FSTL4: variants seen among roughly 807,000 people sequenced by gnomAD.
The protein encoded by FSTL4 is follistatin like 4.
In FSTL4, 28 loss-of-function variants were observed where a neutral mutation model predicts 78.2. The ratio of observed to expected loss-of-function variants is 0.36; its 90% CI spans 0.27 to 0.49. The LOEUF is 0.49. FSTL4 is among the 20% of genes least tolerant of loss of function. The pLI is 0.98. For synonymous variants in FSTL4, 422 were observed against 440.5 expected, an observed-to-expected ratio of 0.96 and a Z score of 0.53; for missense variants, 922 against 1,084.9, an observed-to-expected ratio of 0.85 and a Z score of 2.11.
intron 6 of FSTL4, among the ~76,000 whole-genome samples, chr5:133,264,198 A>G (rs767755198): frequency 6.6e-6 from 1 of 152,234 alleles, no homozygotes; most frequent in African/African-American, 2.4e-5. Context: ...CCAAATACCA[A>G]TAGTGGCGCT....
At chr5:133,593,090 T>C (rs895877809) in intron 2 of FSTL4, among the ~76,000 whole-genome samples, 2 of 152,030 alleles carry the variant, frequency 1.3e-5, no homozygotes, top group African/African-American at 4.8e-5. Context: ...CTAAGCAAGA[T>C]GAAGGACGAC....
the FSTL4 span, among the ~76,000 whole-genome samples, chr5:133,623,480 C>A: frequency 6.6e-6 from 1 of 151,882 alleles, no homozygotes; most frequent in African/African-American, 2.4e-5. Context: ...CTACCTCACA[C>A]CAAATTCAAA....
At position 133,338,564 on chromosome 5, in the gene FSTL4, A is replaced by C. The variant is rs995566605; in HGVS notation, c.410-21912T>G. On this transcript the variant is annotated intron_variant, in intron 4 of 15. Coordinates refer to ENST00000265342, the MANE Select transcript of FSTL4 (RefSeq NM_015082.2). This position sits in a 1 kb window ranked among gnomAD's most constrained non-coding sequence, Gnocchi z 4.0. Reference sequence around the variant, plus strand: ...CCTCAATCGAGGCTGGTGCAGGGGAAGCTTGGAGCGGTGTCTACTCACTAT... The same window carrying C: ...CCTCAATCGAGGCTGGTGCAGGGGACGCTTGGAGCGGTGTCTACTCACTAT... 6.6e-6 allele frequency among the ~76,000 whole-genome samples: 1 copy of C among 152,004 alleles called. No homozygotes were observed. Among genetic ancestry groups the C allele is most frequent in the African/African-American group, 2.4e-5 (1 of 41,368 alleles).
At chr5:133,203,814 C>T (rs1308221950) in intron 14 of FSTL4, among the ~76,000 whole-genome samples, 1 of 152,214 alleles carries the variant, frequency 6.6e-6, no homozygotes. Flanking sequence ...TCACGCTTCA[C>T]TGCTCTGACA....
chr5:133,394,470 C>T (rs890779267), intron 4 of FSTL4, among the ~76,000 whole-genome samples: 6 of 152,240 alleles, frequency 3.9e-5, no homozygotes, highest in Non-Finnish European at 8.8e-5. Flanking sequence ...CACCACTGGC[C>T]CCGGACAGCG....
At chr5:133,521,851 C>T (rs1053824780) in intron 3 of FSTL4, among the ~76,000 whole-genome samples, 2 of 152,146 alleles carry the variant, frequency 1.3e-5, no homozygotes, top group South Asian at 4.1e-4. Flanking sequence ...GATGTTTTCA[C>T]CACAAAGGGG....
At chr5:133,286,524 C>T (rs1173860940) in intron 6 of FSTL4, among the ~76,000 whole-genome samples, 1 of 152,226 alleles carries the variant, frequency 6.6e-6, no homozygotes, top group African/African-American at 2.4e-5. Flanking sequence ...AACCTTTCTT[C>T]TCACCCATAG....
At chr5:133,470,590 C>T (rs1001938629) in intron 3 of FSTL4, among the ~76,000 whole-genome samples, 2 of 151,896 alleles carry the variant, frequency 1.3e-5, no homozygotes, top group Non-Finnish European at 2.9e-5. Flanking sequence ...ACTAAAAATA[C>T]AAAACTTAGT....
the FSTL4 span, among the ~76,000 whole-genome samples, chr5:133,641,203 C>A: frequency 1.1e-4 from 17 of 152,144 alleles, no homozygotes; most frequent in Admixed American, 9.8e-4. Flanking sequence ...AAAGACCCAA[C>A]CATATAGTGC....
chr5:133,596,285 GT>G (rs1760736189), intron 2 of FSTL4, among the ~76,000 whole-genome samples: 1 of 152,210 alleles, frequency 6.6e-6, no homozygotes, highest in Non-Finnish European at 1.5e-5. Context: ...GGGCTGAAGC[GT>G]GGGTTGTGCT....
chr5:133,284,086 G>C (rs954608604), intron 6 of FSTL4, among the ~76,000 whole-genome samples: 5 of 152,200 alleles, frequency 3.3e-5, no homozygotes, highest in African/African-American at 1.2e-4. Flanking sequence ...TTCAACATGA[G>C]ATTTGGGTGG....
At chr5:133,213,533 T>G (rs913363876) in intron 13 of FSTL4, among the ~76,000 whole-genome samples, 2 of 152,196 alleles carry the variant, frequency 1.3e-5, no homozygotes, top group Non-Finnish European at 2.9e-5. Flanking sequence ...AAGTGTTTTA[T>G]GGTTCTAGCA....
chr5:133,649,234 C>A, the FSTL4 span, among the ~76,000 whole-genome samples: 2 of 152,264 alleles, frequency 1.3e-5, no homozygotes, highest in Non-Finnish European at 1.5e-5. Context: ...ATTCCATAGT[C>A]TGATGTGCCA....
chr5:133,408,621 A>G (rs191135245), intron 3 of FSTL4, among the ~76,000 whole-genome samples: 33 of 152,242 alleles, frequency 2.2e-4, no homozygotes, highest in Non-Finnish European at 3.4e-4. Flanking sequence ...AGAACTTCCT[A>G]CGGTACTTGT....
chr5:133,704,050 G>A, the FSTL4 span, among the ~76,000 whole-genome samples: 1 of 152,156 alleles, frequency 6.6e-6, no homozygotes, highest in Non-Finnish European at 1.5e-5. Context: ...GGCTGTCCTA[G>A]GGGTGGGAGG....
the FSTL4 span, among the ~76,000 whole-genome samples, chr5:133,633,345 TA>T: frequency 6.6e-6 from 1 of 152,196 alleles, no homozygotes; most frequent in South Asian, 2.1e-4. Flanking sequence ...GATTGGGCAA[TA>T]TATTGTTCTA....
Position 133,240,015 on chromosome 5 carries a change from C to T in FSTL4, c.895-6478G>A, listed in dbSNP as rs183872440. 5.4e-4 allele frequency among the ~76,000 whole-genome samples: 83 copies of T among 152,322 alleles called. 1 individual carries two copies. In the East Asian group the frequency reaches 9.8e-3, roughly 18 times the overall value. ...CAACACGCTGGGATTCCTTTCCACG[C>T]AGTGGAAGCTTTGTTCTTTTGCTCT... is the stretch of plus-strand genomic sequence containing the variant. On this transcript the variant is annotated intron_variant, in intron 7 of 15. Coordinates refer to ENST00000265342, the MANE Select transcript of FSTL4 (RefSeq NM_015082.2).
rs2112852235 is a variant in FSTL4, at chr5:133,474,945, A to T, written c.161-73959T>A. Among the ~76,000 whole-genome samples, 2 of 152,322 alleles carry T rather than the reference A, an allele frequency of 1.3e-5. 1 individual carries two copies. Among genetic ancestry groups the T allele is most frequent in the South Asian group, 4.1e-4 (2 of 4,822 alleles). ...CCTCACAGTGTTCGCGGGGAAACCC[A>T]AGTCATTCCGTGGCCCCGAAGTCAT... is the stretch of plus-strand genomic sequence containing the variant. On this transcript the variant is annotated intron_variant, in intron 3 of 15. Transcript: ENST00000265342.
intron 3 of FSTL4, among the ~76,000 whole-genome samples, chr5:133,534,510 C>T (rs1681570019): frequency 6.6e-6 from 1 of 152,158 alleles, no homozygotes; most frequent in Admixed American, 6.5e-5. Context: ...GATGAAGTTT[C>T]AGATAGCTCT....
Sources: allele counts gnomAD v4.1 joint callset (sites outside exome capture counted in the v4.1 genomes callset), GRCh38; gene constraint gnomAD v4.1.1; non-coding constraint Gnocchi (gnomAD v3.1); transcripts MANE v1.5; gene names NCBI Gene and HGNC (gene_info 2026-07-23, HGNC 2026-07-21).